Variants in XKR8 observed in about 807,000 individuals in gnomAD.
XKR8 encodes XK related 8.
XKR8 carries 10 observed loss-of-function variants against 17.1 expected under a neutral mutation model. The observed-to-expected ratio is 0.59, with a 90% confidence interval of 0.36 to 0.99. The LOEUF (loss-of-function observed/expected upper bound fraction) is 0.99, where lower values mean the gene tolerates loss of function less well. Among genes scored for constraint, XKR8 ranks in the 50% least tolerant of loss-of-function variants. The pLI, the probability that XKR8 is intolerant of heterozygous loss-of-function variation, is 0.01. For synonymous variants in XKR8, 213 were observed against 251.9 expected, an observed-to-expected ratio of 0.85 and a Z score of 1.46; for missense variants, 411 against 515.6, an observed-to-expected ratio of 0.80 and a Z score of 1.96.
chr1:27,966,284 C>A lies in XKR8; in HGVS notation c.491-219C>A, dbSNP rs575455374. Reference sequence around the variant, plus strand: ...CCCGGATAGCACCTACGCAGCAAAGCGCTGTGGTGAGGGGCAGGCTCTATA... The same window carrying A: ...CCCGGATAGCACCTACGCAGCAAAGAGCTGTGGTGAGGGGCAGGCTCTATA... On this transcript the variant is annotated intron_variant, in intron 2 of 2. Coordinates refer to ENST00000373884, the MANE Select transcript of XKR8 (RefSeq NM_018053.4). The surrounding 1 kb of genome is among the most constrained non-coding windows in gnomAD (Gnocchi z 4.3). Among the ~76,000 whole-genome samples, 7 of 152,246 alleles carry A rather than the reference C, an allele frequency of 4.6e-5. No homozygotes were observed. The East Asian group carries it at 1.3e-3, about 29-fold the overall frequency.
Position 27,966,860 on chromosome 1 carries a change from G to T in XKR8, c.848G>T (p.Gly283Val). 6.2e-7 allele frequency: 1 copy of T among 1,614,142 alleles called. No individual in the cohort carries two copies. The highest frequency in any genetic ancestry group is 8.5e-7 in the Non-Finnish European group (1 of 1,180,024). Reference sequence around the variant, plus strand: ...AACGTGGCTGAGGGCCGCACCCGAGGCCGGGCCATCATCCACTTCGCCTTC... The same window carrying T: ...AACGTGGCTGAGGGCCGCACCCGAGTCCGGGCCATCATCCACTTCGCCTTC... ...WFNVAEGRTRGRAIIHFAFLL... is the reference protein window; with the variant it reads ...WFNVAEGRTRVRAIIHFAFLL... Residue 283 changes from glycine to valine, a missense_variant, in exon 3 of 3, where the codon GGC (glycine) becomes GTC (valine). Physicochemically the swap from Gly to Val is moderately radical, Grantham distance 109. Transcript: ENST00000373884. The surrounding 1 kb of genome is among the most constrained non-coding windows in gnomAD (Gnocchi z 4.3).
chr1:27,966,723 G>A lies in XKR8; in HGVS notation c.711G>A (p.Trp237Ter), dbSNP rs1476800011. 1 of 1,614,172 alleles carries A rather than the reference G, an allele frequency of 6.2e-7. No homozygotes were observed. The highest frequency in any genetic ancestry group is 2.2e-5 in the East Asian group (1 of 44,880). The change falls in exon 3 of 3, where the codon TGG becomes TGA. Residue 237 changes from tryptophan to a stop codon, truncating the protein, a stop_gained. Transcript: ENST00000373884. LOFTEE classifies it low-confidence loss of function (END_TRUNC). This position sits in a 1 kb window ranked among gnomAD's most constrained non-coding sequence, Gnocchi z 4.3. ...TGGCCCTGCACTTCCTGGGCCTGTGGCTGGTACTGCTGCTCTGGGTCTGGC... is the reference window on the plus strand; with the variant it reads ...TGGCCCTGCACTTCCTGGGCCTGTGACTGGTACTGCTGCTCTGGGTCTGGC... ...SYVALHFLGL[W>*]LVLLLWVWLQ... is the part of the protein sequence containing the mutation.
rs1156512015 is a variant in XKR8, at chr1:27,960,399, G to A, written c.293+37G>A. 3 of 1,353,236 alleles carry A rather than the reference G, an allele frequency of 2.2e-6. No individual in the cohort carries two copies. In the South Asian group the frequency reaches 5.4e-5, roughly 24 times the overall value. The allele number at this position is 1,353,236 out of a possible 1,614,324, so 83.8% of individuals were successfully genotyped here. A position where few individuals can be genotyped will look rare whatever the true frequency, so the allele number is the denominator to read the frequency against. Reference sequence around the variant, plus strand: ...GCCCCGGGAGGGGAGGAGTGTCGGAGCCCAGCACCTCCGTCAGCTGGGTCA... The same window carrying A: ...GCCCCGGGAGGGGAGGAGTGTCGGAACCCAGCACCTCCGTCAGCTGGGTCA... On this transcript the variant is annotated intron_variant, in intron 1 of 2. Coordinates refer to ENST00000373884, the MANE Select transcript of XKR8 (RefSeq NM_018053.4). The surrounding 1 kb of genome is among the most constrained non-coding windows in gnomAD (Gnocchi z 5.9).
At chr1:27,961,640 G>C (rs576463538) in intron 1 of XKR8, among the ~76,000 whole-genome samples, 1 of 152,312 alleles carries the variant, frequency 6.6e-6, no homozygotes, top group South Asian at 2.1e-4. Context: ...TTTGGCTTTG[G>C]AAATGGGTCT....
At position 27,967,439 on chromosome 1, in the gene XKR8, G is replaced by A. The variant is rs759156406; in HGVS notation, c.*239G>A. ...AGGGCTGGGCCCTGGAGGGTCAAGA[G>A]CCCCAATTATGTACAAGACACTTTG... On this transcript the variant is annotated 3_prime_UTR_variant, in exon 3 of 3. Transcript: ENST00000373884. This position sits in a 1 kb window ranked among gnomAD's most constrained non-coding sequence, Gnocchi z 4.3. 4.9e-6 allele frequency: 2 copies of A among 407,984 alleles called. No homozygotes were observed. Among genetic ancestry groups the A allele is most frequent in the Non-Finnish European group, 8.7e-6 (2 of 228,576 alleles). The allele number at this position is 407,984 out of a possible 1,614,324, so 25.3% of individuals were successfully genotyped here. A position where few individuals can be genotyped will look rare whatever the true frequency, so the allele number is the denominator to read the frequency against.
At chr1:27,961,891 C>T (rs1449411824) in intron 1 of XKR8, among the ~76,000 whole-genome samples, 2 of 152,194 alleles carry the variant, frequency 1.3e-5, no homozygotes, top group Non-Finnish European at 2.9e-5. Flanking sequence ...GTCCTTGGTG[C>T]ATCCTCCACT....
Position 27,966,466 on chromosome 1 carries a change from G to A in XKR8, c.491-37G>A, listed in dbSNP as rs1638570594. 2 of 1,569,190 alleles carry A rather than the reference G, an allele frequency of 1.3e-6. No individual in the cohort carries two copies. The highest frequency in any genetic ancestry group is 1.7e-4 in the Middle Eastern group (1 of 5,880). Reference sequence around the variant, plus strand: ...ACCGCTGGGGAGTGCCAAGCAGGCTGGCCCCAGGACTCACTGTTCCCTCCT... The same window carrying A: ...ACCGCTGGGGAGTGCCAAGCAGGCTAGCCCCAGGACTCACTGTTCCCTCCT... On this transcript the variant is annotated intron_variant, in intron 2 of 2. Coordinates refer to ENST00000373884, the MANE Select transcript of XKR8 (RefSeq NM_018053.4). This position sits in a 1 kb window ranked among gnomAD's most constrained non-coding sequence, Gnocchi z 4.3.
intron 1 of XKR8, among the ~76,000 whole-genome samples, chr1:27,963,258 G>C (rs1195611562): frequency 1.3e-5 from 2 of 152,198 alleles, no homozygotes; most frequent in African/African-American, 4.8e-5. Context: ...CTGAACTCGT[G>C]ATCAGCCCGC....
chr1:27,961,802 A>C lies in XKR8; in HGVS notation c.293+1440A>C, dbSNP rs76750968. Among the ~76,000 whole-genome samples, 400 of 152,268 alleles carry C rather than the reference A, an allele frequency of 2.6e-3. 1 individual carries two copies. Among genetic ancestry groups the C allele is most frequent in the African/African-American group, 9.3e-3 (386 of 41,562 alleles). ...GTCCTTCCAGGGGAAGTGACAGTAC[A>C]TGTCTGGTGAATGAGCTTGTGATGA... is the stretch of plus-strand genomic sequence containing the variant. On this transcript the variant is annotated intron_variant, in intron 1 of 2. Transcript: ENST00000373884.
rs759990636 is a variant in XKR8, at chr1:27,961,963, C to T, written c.294-1534C>T. On this transcript the variant is annotated intron_variant, in intron 1 of 2. Coordinates refer to ENST00000373884, the MANE Select transcript of XKR8 (RefSeq NM_018053.4). Reference sequence around the variant, plus strand: ...TCCAAACTCTGGACTCTCTTAACTCCGCCCCAATCTCCATCCTTAACCACT... The same window carrying T: ...TCCAAACTCTGGACTCTCTTAACTCTGCCCCAATCTCCATCCTTAACCACT... Among the ~76,000 whole-genome samples, 15 of 152,150 alleles carry T rather than the reference C, an allele frequency of 9.9e-5. No homozygotes were observed. The East Asian group carries it at 2.1e-3, about 22-fold the overall frequency.
Position 27,967,381 on chromosome 1 carries a change from C to T in XKR8, c.*181C>T. 5.0e-6 allele frequency: 3 copies of T among 605,294 alleles called. No homozygotes were observed. The South Asian group carries it at 8.0e-5, about 16-fold the overall frequency. The allele number at this position is 605,294 out of a possible 1,614,324, so 37.5% of individuals were successfully genotyped here. A position where few individuals can be genotyped will look rare whatever the true frequency, so the allele number is the denominator to read the frequency against. On this transcript the variant is annotated 3_prime_UTR_variant, in exon 3 of 3. Coordinates refer to ENST00000373884, the MANE Select transcript of XKR8 (RefSeq NM_018053.4). This position sits in a 1 kb window ranked among gnomAD's most constrained non-coding sequence, Gnocchi z 4.3. ...ATGGTGCTGAGTCGGGCAGAGGCCT[C>T]CTTTCAAGGAGTTCACAGTGAACAA...
rs1638576996 is a variant in XKR8, at chr1:27,966,646, T to C, written c.634T>C (p.Trp212Arg). The C allele has an allele frequency of 6.2e-7, 1 of 1,614,026 alleles. No homozygotes were observed. The highest frequency in any genetic ancestry group is 1.7e-5 in the Admixed American group (1 of 60,000). ...IYFLWNLLLLWPRVLAVALFS... is the reference protein window; with the variant it reads ...IYFLWNLLLLRPRVLAVALFS... ...CTTCCTGTGGAACCTGCTGCTGCTG[T>C]GGCCCCGAGTCCTGGCTGTGGCCCT... The change falls in exon 3 of 3, where the codon TGG becomes CGG. Residue 212 changes from tryptophan (W) to arginine (R), a missense_variant. Transcript: ENST00000373884. This position sits in a 1 kb window ranked among gnomAD's most constrained non-coding sequence, Gnocchi z 4.3.
chr1:27,967,025 A>G lies in XKR8; in HGVS notation c.1013A>G (p.Tyr338Cys). Residue 338 changes from tyrosine to cysteine, a missense_variant, in exon 3 of 3, where the codon TAC becomes TGC. By Grantham distance (194) the Tyr-to-Cys change is radical. Coordinates refer to ENST00000373884, the MANE Select transcript of XKR8 (RefSeq NM_018053.4). The surrounding 1 kb of genome is among the most constrained non-coding windows in gnomAD (Gnocchi z 4.3). The stretch of plus-strand genomic sequence containing the variant: ...GGCCTGGCTCTGCGGCTTGTGTACT[A>G]CCACTGGCTGCACCCTAGCTGCTGC... ...FLGLALRLVYYHWLHPSCCWK... is the reference protein window; with the variant it reads ...FLGLALRLVYCHWLHPSCCWK... 1.2e-6 allele frequency: 2 copies of G among 1,613,844 alleles called. No homozygotes were observed. Among genetic ancestry groups the G allele is most frequent in the Non-Finnish European group, 1.7e-6 (2 of 1,179,944 alleles).
At position 27,965,501 on chromosome 1, in the gene XKR8, T is replaced by C. The variant is rs1400116732; in HGVS notation, c.491-1002T>C. 6.6e-6 allele frequency among the ~76,000 whole-genome samples: 1 copy of C among 151,878 alleles called. No homozygotes were observed. The highest frequency in any genetic ancestry group is 1.9e-4 in the East Asian group (1 of 5,176). ...GGGATACCTGACACAGCTGAGTGGG[T>C]GGCATGGGGTCAGGGTGGGTGACTC... On this transcript the variant is annotated intron_variant, in intron 2 of 2. Transcript: ENST00000373884. This position sits in a 1 kb window ranked among gnomAD's most constrained non-coding sequence, Gnocchi z 4.1.
chr1:27,966,645 G>A lies in XKR8; in HGVS notation c.633G>A (p.Leu211=). The change falls in exon 3 of 3, where the codon CTG becomes CTA. Residue 211 remains leucine, a synonymous_variant. Coordinates refer to ENST00000373884, the MANE Select transcript of XKR8 (RefSeq NM_018053.4). This position sits in a 1 kb window ranked among gnomAD's most constrained non-coding sequence, Gnocchi z 4.3. Reference sequence around the variant, plus strand: ...ACTTCCTGTGGAACCTGCTGCTGCTGTGGCCCCGAGTCCTGGCTGTGGCCC... The same window carrying A: ...ACTTCCTGTGGAACCTGCTGCTGCTATGGCCCCGAGTCCTGGCTGTGGCCC... The part of the protein sequence containing the change: ...VIYFLWNLLL[L]WPRVLAVALF... 1 of 1,614,126 alleles carries A rather than the reference G, an allele frequency of 6.2e-7. No individual in the cohort carries two copies. The highest frequency in any genetic ancestry group is 1.3e-5 in the African/African-American group (1 of 75,024).
intron 2 of XKR8, chr1:27,964,150 ATTTT>A (rs1638523522): frequency 1.5e-5 from 2 of 135,366 alleles, no homozygotes; most frequent in African/African-American, 2.7e-5. Flanking sequence ...ATGCTGGCTA[ATTTT>A]TCTTTCTTTT....
In XKR8 at chr1:27,965,586, C is replaced by T. The variant is rs1414137975; in HGVS notation, c.491-917C>T. ...GGAGGAGTAGGCCGGGGAAGTGGGGCCTGTGCTTCTGGCGACCTAACATCC... is the reference window on the plus strand; with the variant it reads ...GGAGGAGTAGGCCGGGGAAGTGGGGTCTGTGCTTCTGGCGACCTAACATCC... On this transcript the variant is annotated intron_variant, in intron 2 of 2. Coordinates refer to ENST00000373884, the MANE Select transcript of XKR8 (RefSeq NM_018053.4). The surrounding 1 kb of genome is among the most constrained non-coding windows in gnomAD (Gnocchi z 4.1). Among the ~76,000 whole-genome samples the T allele has an allele frequency of 1.3e-5, 2 of 151,986 alleles. No individual in the cohort carries two copies.
At chr1:27,964,160 CTTTTTTTTTTT>C (rs71027257) in intron 2 of XKR8, 5 of 93,214 alleles carry the variant, frequency 5.4e-5, no homozygotes, top group African/African-American at 7.6e-5. Context: ...ATTTTTCTTT[CTTTTTTTTTTT>C]TTTTTTTTTG....
At position 27,967,108 on chromosome 1, in the gene XKR8, T is replaced by C; in HGVS notation, c.1096T>C (p.Tyr366His). The change falls in exon 3 of 3, where the codon TAT (tyrosine) becomes CAT (histidine). Residue 366 changes from tyrosine to histidine, a missense_variant. By Grantham distance (83) the Tyr-to-His change is moderately conservative. Transcript: ENST00000373884. The surrounding 1 kb of genome is among the most constrained non-coding windows in gnomAD (Gnocchi z 4.3). ...CCGGAGTCTGCTTTCTCCAGAGGGGTATCAGCTGCCTCAGAACAGGCGCAT... is the reference window on the plus strand; with the variant it reads ...CCGGAGTCTGCTTTCTCCAGAGGGGCATCAGCTGCCTCAGAACAGGCGCAT... Reference protein sequence around the residue: ...GARSLLSPEGYQLPQNRRMTH... With the variant: ...GARSLLSPEGHQLPQNRRMTH... 2 of 1,613,294 alleles carry C rather than the reference T, an allele frequency of 1.2e-6. No homozygotes were observed. Among genetic ancestry groups the C allele is most frequent in the Non-Finnish European group, 1.7e-6 (2 of 1,179,524 alleles).
Sources: gnomAD v4.1 joint callset for allele counts (sites outside exome capture counted in the v4.1 genomes callset) on GRCh38, gnomAD v4.1.1 for gene constraint, Gnocchi (gnomAD v3.1) non-coding constraint, MANE v1.5 for transcripts, NCBI Gene and HGNC (gene_info 2026-07-23, HGNC 2026-07-21) for gene names.